IGF2BP3: variants seen among roughly 807,000 people sequenced by gnomAD.
IGF2BP3 encodes insulin-like growth factor 2 mRNA-binding protein 3.
Under a neutral mutation model 73.8 loss-of-function variants are expected in IGF2BP3, and 9 were observed. The ratio of observed to expected loss-of-function variants is 0.12; its 90% confidence interval spans 0.07 to 0.21. The LOEUF is 0.21. Ranked by LOEUF, IGF2BP3 falls within the 10% of genes least tolerant of loss-of-function variation. The probability of loss-of-function intolerance (pLI) is 1.00; values close to 1 mark genes in which losing one functional copy is unlikely to be tolerated. For synonymous variants in IGF2BP3, 258 were observed against 256.7 expected, an observed-to-expected ratio of 1.01 and a Z score of -0.05; for missense variants, 542 against 714.0, an observed-to-expected ratio of 0.76 and a Z score of 2.75.
At chr7:23,468,838 G>C (rs1362141634) in intron 1 of IGF2BP3, among the ~76,000 whole-genome samples, 2 of 152,218 alleles carry the variant, frequency 1.3e-5, no homozygotes, top group Non-Finnish European at 2.9e-5. Context: ...AGGCCCGCAA[G>C]AGGGACGCGG....
chr7:23,407,951 GGCGGGGGGC>G (rs1413814994), intron 3 of IGF2BP3, among the ~76,000 whole-genome samples: 1,526 of 62,964 alleles, frequency 0.024, 40 homozygotes, highest in Non-Finnish European at 0.037. Flanking sequence ...GGGGGCAGGG[GGCGGGGGGC>G]GGGGGGGGGG....
At chr7:23,319,942 C>G (rs1244891412) in intron 10 of IGF2BP3, among the ~76,000 whole-genome samples, 2 of 152,064 alleles carry the variant, frequency 1.3e-5, no homozygotes, top group Non-Finnish European at 2.9e-5. Context: ...TGGAATCTCA[C>G]TCTTGTTGCC....
chr7:23,312,911 TAC>T (rs1158098459), intron 13 of IGF2BP3, 63 bp from the exon 14 acceptor site: 4 of 988,816 alleles, frequency 4.0e-6, no homozygotes, highest in Non-Finnish European at 4.7e-6. Flanking sequence ...CCTAAGCACT[TAC>T]TGTGCGCCAG....
At position 23,341,594 on chromosome 7, in the gene IGF2BP3, C is replaced by T. The variant is rs539067657; in HGVS notation, c.1203+470G>A. Among the ~76,000 whole-genome samples the T allele has an allele frequency of 7.9e-5, 12 of 152,126 alleles. No homozygotes were observed. In the South Asian group the frequency reaches 2.5e-3, roughly 32 times the overall value. On this transcript the variant is annotated intron_variant, in intron 10 of 14. Transcript: ENST00000258729. ...CTGAGGCATGAGAATCATTTGAACC[C>T]GGGAGGTGAAGGTTGCAGTGAGTCA...
chr7:23,359,780 T>TCA (rs1323265782), intron 5 of IGF2BP3, among the ~76,000 whole-genome samples: 1 of 152,136 alleles, frequency 6.6e-6, no homozygotes. Context: ...CTCCCTGCCC[T>TCA]CACTTTTATC....
chr7:23,337,804 G>A (rs535335996), intron 10 of IGF2BP3, among the ~76,000 whole-genome samples: 1 of 152,158 alleles, frequency 6.6e-6, no homozygotes, highest in African/African-American at 2.4e-5. Context: ...CCAGTAGCTG[G>A]GACTACAGGT....
At chr7:23,375,046 T>C (rs1479295743) in intron 3 of IGF2BP3, among the ~76,000 whole-genome samples, 1 of 152,232 alleles carries the variant, frequency 6.6e-6, no homozygotes, top group African/African-American at 2.4e-5. Context: ...TTCACATATA[T>C]ACCCAAAGAG....
chr7:23,436,952 C>T (rs1787821050), intron 2 of IGF2BP3, among the ~76,000 whole-genome samples: 1 of 151,836 alleles, frequency 6.6e-6, no homozygotes, highest in Non-Finnish European at 1.5e-5. Context: ...CCTGTCTCTA[C>T]TAAAAATACA....
At chr7:23,363,532 C>T (rs1785286520) in intron 3 of IGF2BP3, among the ~76,000 whole-genome samples, 1 of 152,178 alleles carries the variant, frequency 6.6e-6, no homozygotes, top group East Asian at 1.9e-4. Flanking sequence ...CAGGCGTGAC[C>T]CAGCACCTGG....
intron 3 of IGF2BP3, among the ~76,000 whole-genome samples, chr7:23,382,894 CAAAAAAAAAAAA>C (rs57466793): frequency 8.1e-5 from 4 of 49,114 alleles, no homozygotes; most frequent in South Asian, 1.4e-3. Flanking sequence ...CTAGCTCTAC[CAAAAAAAAAAAA>C]AAAAAAAAAA....
rs547448890 is a variant in IGF2BP3 at position 23,325,420 on chromosome 7, AGAG to A, written c.1204-6169_1204-6167del. Among the ~76,000 whole-genome samples the A allele has an allele frequency of 1.6e-3, 240 of 152,334 alleles. 1 individual carries two copies. Among genetic ancestry groups the A allele is most frequent in the African/African-American group, 5.5e-3 (229 of 41,586 alleles). ...ACAAACCACTGCTCAATGAAATAAA[AGAG>A]GATACAAACAAATGGAAGAACATTC... is the stretch of plus-strand genomic sequence containing the variant. On this transcript the variant is annotated intron_variant, in intron 10 of 14. Transcript: ENST00000258729.
intron 10 of IGF2BP3, among the ~76,000 whole-genome samples, chr7:23,333,265 G>C (rs983368383): frequency 6.6e-6 from 1 of 152,182 alleles, no homozygotes; most frequent in Non-Finnish European, 1.5e-5. Context: ...ATGACTATGA[G>C]AGAAAAACTA....
At chr7:23,376,791 C>G (rs1270704283) in intron 3 of IGF2BP3, among the ~76,000 whole-genome samples, 2 of 152,098 alleles carry the variant, frequency 1.3e-5, no homozygotes, top group Admixed American at 6.6e-5. Context: ...TGGCTTGGCC[C>G]AGAAGGCGGA....
chr7:23,407,564 G>T (rs1210562095), intron 3 of IGF2BP3, among the ~76,000 whole-genome samples: 2 of 150,276 alleles, frequency 1.3e-5, no homozygotes, highest in African/African-American at 2.5e-5. Flanking sequence ...GCCAAGATTG[G>T]GCCATCGCAC....
At chr7:23,314,943 T>G (rs963599157) in intron 12 of IGF2BP3, among the ~76,000 whole-genome samples, 4 of 150,250 alleles carry the variant, frequency 2.7e-5, no homozygotes, top group African/African-American at 9.8e-5. Context: ...GGATTACAGG[T>G]GCCCGCCACC....
chr7:23,390,469 T>C (rs555394997), intron 3 of IGF2BP3, among the ~76,000 whole-genome samples: 4 of 152,232 alleles, frequency 2.6e-5, no homozygotes, highest in African/African-American at 9.6e-5. Flanking sequence ...ATGAAGCCAC[T>C]GAGCTACAGG....
At chr7:23,370,103 T>G (rs995182726) in intron 3 of IGF2BP3, among the ~76,000 whole-genome samples, 1 of 152,220 alleles carries the variant, frequency 6.6e-6, no homozygotes, top group South Asian at 2.1e-4. Flanking sequence ...CTCTCTTCCA[T>G]ATATCCAACA....
At chr7:23,357,823 G>T (rs984519409) in intron 5 of IGF2BP3, among the ~76,000 whole-genome samples, 1 of 152,166 alleles carries the variant, frequency 6.6e-6, no homozygotes, top group African/African-American at 2.4e-5. Flanking sequence ...GAATTTCCAC[G>T]TTAAGTTCTG....
chr7:23,430,806 T>G (rs1787655013), intron 2 of IGF2BP3, among the ~76,000 whole-genome samples: 1 of 152,218 alleles, frequency 6.6e-6, no homozygotes, highest in Non-Finnish European at 1.5e-5. Flanking sequence ...GAATTATCTT[T>G]CTTACATCAT....
Sources: allele counts gnomAD v4.1 joint callset (sites outside exome capture counted in the v4.1 genomes callset), GRCh38; gene constraint gnomAD v4.1.1; transcripts MANE v1.5; gene names NCBI Gene and HGNC (gene_info 2026-07-23, HGNC 2026-07-21).